The following SPON1 variants were observed in gnomAD, a reference collection of about 807,000 sequenced individuals.
SPON1 encodes spondin 1.
Under a neutral mutation model 111.7 loss-of-function variants are expected in SPON1, and 52 were observed. The observed-to-expected ratio is 0.47, with a 90% CI of 0.37 to 0.59. The LOEUF (loss-of-function observed/expected upper bound fraction) is 0.59, where lower values mean the gene tolerates loss of function less well. Among genes scored for constraint, SPON1 ranks in the 20% least tolerant of loss-of-function variants. The pLI is 0.00. For synonymous variants in SPON1, 410 were observed against 395.8 expected, an observed-to-expected ratio of 1.04 and a Z score of -0.43; for missense variants, 957 against 1,068.5, an observed-to-expected ratio of 0.90 and a Z score of 1.46.
intron 5 of SPON1, among the ~76,000 whole-genome samples, chr11:14,128,623 G>T (rs1420062645): frequency 2.0e-5 from 3 of 152,198 alleles, no homozygotes; most frequent in African/African-American, 7.2e-5. Context: ...TCTGAAGGAT[G>T]ATGACCCTCT....
At chr11:14,172,240 T>C (rs1475448609) in intron 6 of SPON1, among the ~76,000 whole-genome samples, 8 of 152,124 alleles carry the variant, frequency 5.3e-5, no homozygotes, top group African/African-American at 1.4e-4. Context: ...CCTTTACTAT[T>C]ATGTAATGGC....
In SPON1 at chr11:14,230,813, G is replaced by A. The variant is rs1244449083; in HGVS notation, c.826-12519G>A. 2.6e-5 allele frequency among the ~76,000 whole-genome samples: 4 copies of A among 151,890 alleles called. No homozygotes were observed. In the East Asian group the frequency reaches 5.8e-4, roughly 22 times the overall value. On this transcript the variant is annotated intron_variant, in intron 6 of 15. Coordinates refer to ENST00000576479, the MANE Select transcript of SPON1 (RefSeq NM_006108.4). Reference sequence around the variant, plus strand: ...ATTTTTTCGTGGTGGTGGTGAGACAGGGTCTCACTCTGTCACCCAGACTAG... The same window carrying A: ...ATTTTTTCGTGGTGGTGGTGAGACAAGGTCTCACTCTGTCACCCAGACTAG...
intron 3 of SPON1, among the ~76,000 whole-genome samples, chr11:14,060,598 T>C (rs546063621): frequency 2.6e-5 from 4 of 152,298 alleles, no homozygotes; most frequent in African/African-American, 9.6e-5. Flanking sequence ...CCTGAGCAGC[T>C]TTTAAAACTT....
intron 3 of SPON1, 48 bp downstream of exon 3, chr11:14,041,702 G>A (rs1848632696): frequency 3.8e-6 from 6 of 1,594,340 alleles, no homozygotes; most frequent in Non-Finnish European, 5.1e-6. Context: ...AGACTTTGTG[G>A]TGTGATTGCA....
At chr11:14,077,237 C>T (rs773592147) in intron 4 of SPON1, among the ~76,000 whole-genome samples, 1 of 152,138 alleles carries the variant, frequency 6.6e-6, no homozygotes, top group Non-Finnish European at 1.5e-5. Context: ...ATAAGGCTGT[C>T]CTCCGACAGT....
chr11:14,204,619 G>A (rs1325891617), intron 6 of SPON1, among the ~76,000 whole-genome samples: 1 of 151,308 alleles, frequency 6.6e-6, no homozygotes, highest in African/African-American at 2.4e-5. Context: ...GAGTCTTGAG[G>A]CTTAAAAACA....
chr11:14,195,978 G>A (rs1848397303), intron 6 of SPON1, among the ~76,000 whole-genome samples: 1 of 152,112 alleles, frequency 6.6e-6, no homozygotes, highest in Admixed American at 6.5e-5. Context: ...AACATTTTCT[G>A]TTTCTAATAA....
intron 6 of SPON1, among the ~76,000 whole-genome samples, chr11:14,152,231 A>G (rs782602389): frequency 3.7e-4 from 57 of 152,142 alleles, no homozygotes; most frequent in Admixed American, 1.3e-3. Context: ...TGACAGAGGG[A>G]CTCCTTTAGC....
chr11:14,132,815 C>T (rs920907110), intron 5 of SPON1, among the ~76,000 whole-genome samples: 2 of 152,154 alleles, frequency 1.3e-5, no homozygotes, highest in Non-Finnish European at 2.9e-5. Flanking sequence ...TGTAGCCTCC[C>T]TACCAACCAT....
intron 5 of SPON1, among the ~76,000 whole-genome samples, chr11:14,101,727 A>T (rs1283873981): frequency 6.6e-6 from 1 of 152,244 alleles, no homozygotes; most frequent in East Asian, 1.9e-4. Flanking sequence ...AAAGAGAAGA[A>T]AAAGCAAGTG....
chr11:13,983,213 C>T (rs782787134), intron 2 of SPON1, among the ~76,000 whole-genome samples: 1 of 152,372 alleles, frequency 6.6e-6, no homozygotes, highest in Non-Finnish European at 1.5e-5. Flanking sequence ...CTTCAGCAGC[C>T]AAGCGTGGGG....
chr11:14,089,431 A>C (rs1365988615), intron 5 of SPON1, among the ~76,000 whole-genome samples: 1 of 152,154 alleles, frequency 6.6e-6, no homozygotes, highest in Non-Finnish European at 1.5e-5. Context: ...GGTCTACTCC[A>C]GACCCTGTTC....
At chr11:13,988,716 T>C (rs1202697662) in intron 2 of SPON1, among the ~76,000 whole-genome samples, 9 of 152,160 alleles carry the variant, frequency 5.9e-5, no homozygotes, top group African/African-American at 2.2e-4. Flanking sequence ...TTTTGAGATA[T>C]GTTCCATTAA....
intron 6 of SPON1, among the ~76,000 whole-genome samples, chr11:14,163,836 T>C (rs1847996224): frequency 6.6e-6 from 1 of 151,984 alleles, no homozygotes; most frequent in Non-Finnish European, 1.5e-5. Context: ...GGCTCTCCAA[T>C]TCCCTCCCCC....
At chr11:14,140,866 C>T (rs1847645842) in intron 6 of SPON1, among the ~76,000 whole-genome samples, 1 of 152,146 alleles carries the variant, frequency 6.6e-6, no homozygotes, top group East Asian at 1.9e-4. Context: ...GGACCCTGCA[C>T]TAACACATGA....
chr11:14,211,457 A>G (rs1254808828), intron 6 of SPON1, among the ~76,000 whole-genome samples: 1 of 152,198 alleles, frequency 6.6e-6, no homozygotes, highest in Non-Finnish European at 1.5e-5. Flanking sequence ...AGAACTACAA[A>G]CCACTGCTCA....
chr11:14,224,873 T>A, intron 6 of SPON1: 2 of 293,428 alleles, frequency 6.8e-6, no homozygotes, highest in South Asian at 7.2e-5. Context: ...AGTAGCCTGA[T>A]CAAGTGTCTG....
chr11:13,999,287 GACATA>G (rs1186644724), intron 2 of SPON1, among the ~76,000 whole-genome samples: 2 of 152,040 alleles, frequency 1.3e-5, no homozygotes, highest in African/African-American at 2.4e-5. Flanking sequence ...GGATATAGCT[GACATA>G]ACAGACAAAA....
intron 2 of SPON1, among the ~76,000 whole-genome samples, chr11:14,037,442 T>C (rs1848602573): frequency 6.6e-6 from 1 of 151,922 alleles, no homozygotes. Flanking sequence ...AGTCAACTGA[T>C]CTTTGACAAA....
Sources: allele counts gnomAD v4.1 joint callset (sites outside exome capture counted in the v4.1 genomes callset), GRCh38; gene constraint gnomAD v4.1.1; transcripts MANE v1.5; gene names NCBI Gene and HGNC (gene_info 2026-07-23, HGNC 2026-07-21).